The following CLSTN2 variants were observed in gnomAD, a reference collection of about 807,000 sequenced individuals.
CLSTN2 encodes calsyntenin-2.
CLSTN2 carries 48 observed loss-of-function variants against 101.2 expected under a neutral mutation model. The ratio of observed to expected loss-of-function variants is 0.47; its 90% CI spans 0.38 to 0.60. The LOEUF (loss-of-function observed/expected upper bound fraction) is 0.60. Among genes scored for constraint, CLSTN2 ranks in the 20% least tolerant of loss-of-function variants. The probability of loss-of-function intolerance (pLI) is 0.00; values close to 1 mark genes in which losing one functional copy is unlikely to be tolerated. For missense variants in CLSTN2, 1,160 were observed against 1,238.2 expected, an observed-to-expected ratio of 0.94 and a Z score of 0.95; for synonymous variants, 481 against 463.6, an observed-to-expected ratio of 1.04 and a Z score of -0.48.
intron 1 of CLSTN2, among the ~76,000 whole-genome samples, chr3:140,171,022 G>C (rs2010204116): frequency 6.6e-6 from 1 of 152,114 alleles, no homozygotes; most frequent in African/African-American, 2.4e-5. Flanking sequence ...GTGAGCTCCT[G>C]GTGTATGCTT....
chr3:140,060,282 G>T (rs1340966690), intron 1 of CLSTN2, among the ~76,000 whole-genome samples: 1 of 152,122 alleles, frequency 6.6e-6, no homozygotes, highest in Non-Finnish European at 1.5e-5. Context: ...GGTGGGGAGG[G>T]TTGGTGTGAT....
At chr3:140,402,311 A>G (rs2107977602) in intron 2 of CLSTN2, among the ~76,000 whole-genome samples, 1 of 152,348 alleles carries the variant, frequency 6.6e-6, no homozygotes, top group Non-Finnish European at 1.5e-5. Flanking sequence ...TGGGATAGAA[A>G]GTACATGGAC....
At chr3:140,169,183 G>C (rs1165631191) in intron 1 of CLSTN2, among the ~76,000 whole-genome samples, 3 of 151,872 alleles carry the variant, frequency 2.0e-5, no homozygotes, top group East Asian at 3.9e-4. Context: ...GCAGTGTCAG[G>C]GTTTTCAGTG....
intron 1 of CLSTN2, among the ~76,000 whole-genome samples, chr3:139,982,872 T>G (rs1028911507): frequency 1.3e-5 from 2 of 151,896 alleles, no homozygotes; most frequent in South Asian, 2.1e-4. Flanking sequence ...AGACTATATA[T>G]AGAGAGAGAC....
chr3:140,479,149 A>G (rs983535442), intron 8 of CLSTN2, among the ~76,000 whole-genome samples: 1 of 152,212 alleles, frequency 6.6e-6, no homozygotes, highest in African/African-American at 2.4e-5. Context: ...CAGGTATTTT[A>G]GCTACTGTTC....
chr3:140,259,621 A>G (rs935648793), intron 2 of CLSTN2, among the ~76,000 whole-genome samples: 3 of 152,134 alleles, frequency 2.0e-5, no homozygotes, highest in Non-Finnish European at 2.9e-5. Context: ...GCCTCTTTGT[A>G]AGCCTTCCCT....
At chr3:140,416,296 G>A (rs972529923) in intron 4 of CLSTN2, among the ~76,000 whole-genome samples, 7 of 151,944 alleles carry the variant, frequency 4.6e-5, no homozygotes, top group African/African-American at 1.7e-4. Context: ...TGTACAGCAG[G>A]GTGACTATAG....
chr3:140,266,504 A>G (rs188270076), intron 2 of CLSTN2, among the ~76,000 whole-genome samples: 58 of 152,338 alleles, frequency 3.8e-4, no homozygotes, highest in African/African-American at 1.4e-3. Flanking sequence ...GACATTTCCA[A>G]TTCTCAGCTA....
chr3:140,134,556 C>A (rs189494766), intron 1 of CLSTN2, among the ~76,000 whole-genome samples: 10 of 152,272 alleles, frequency 6.6e-5, no homozygotes, highest in Non-Finnish European at 1.3e-4. Flanking sequence ...AAACTCAGCC[C>A]GTGCCAAAGC....
At chr3:140,148,521 A>G (rs544841386) in intron 1 of CLSTN2, among the ~76,000 whole-genome samples, 1 of 152,292 alleles carries the variant, frequency 6.6e-6, no homozygotes, top group Admixed American at 6.5e-5. Flanking sequence ...ATAATGACCC[A>G]CTAATGTAAT....
chr3:139,965,332 G>A (rs990726280), intron 1 of CLSTN2, among the ~76,000 whole-genome samples: 1 of 152,316 alleles, frequency 6.6e-6, no homozygotes, highest in African/African-American at 2.4e-5. Flanking sequence ...CTCAGAGGAA[G>A]CAAGGAGCAG....
intron 9 of CLSTN2, among the ~76,000 whole-genome samples, chr3:140,533,355 C>T (rs961098408): frequency 3.9e-5 from 6 of 152,208 alleles, no homozygotes; most frequent in Admixed American, 3.9e-4. Flanking sequence ...GTGAAAATTA[C>T]CAAGATTTGT....
chr3:139,973,609 TTCTC>T (rs992450223), intron 1 of CLSTN2, among the ~76,000 whole-genome samples: 4 of 151,888 alleles, frequency 2.6e-5, no homozygotes, highest in African/African-American at 7.3e-5. Context: ...ATGGTACTCT[TTCTC>T]TCTCTCTTTG....
chr3:140,395,363 C>T lies in CLSTN2; in HGVS notation c.233-8266C>T, dbSNP rs535885708. Among the ~76,000 whole-genome samples, 6 of 152,152 alleles carry T rather than the reference C, an allele frequency of 3.9e-5. No individual in the cohort carries two copies. In the South Asian group the frequency reaches 1.2e-3, roughly 32 times the overall value. ...TTGTAATAATAAAAAGTAGATAGAC[C>T]TTTATACTTCCCACATCTCTTCCAC... On this transcript the variant is annotated intron_variant, in intron 2 of 16. Coordinates refer to ENST00000458420, the MANE Select transcript of CLSTN2 (RefSeq NM_022131.3).
At position 140,047,944 on chromosome 3, in the gene CLSTN2, A is replaced by G. The variant is rs76074833; in HGVS notation, c.109+112461A>G. Among the ~76,000 whole-genome samples the G allele has an allele frequency of 1.7e-3, 265 of 152,352 alleles. 2 individuals are homozygous for G. The highest frequency in any genetic ancestry group is 6.2e-3 in the African/African-American group (256 of 41,580). On this transcript the variant is annotated intron_variant, in intron 1 of 16. Transcript: ENST00000458420. ...GTAGTCAAACCATAGCAATACGTTA[A>G]CGCTATAAATGGGAAATGATCATTA... is the stretch of plus-strand genomic sequence containing the variant.
At chr3:140,446,058 A>T (rs1022909175) in intron 5 of CLSTN2, among the ~76,000 whole-genome samples, 1 of 152,152 alleles carries the variant, frequency 6.6e-6, no homozygotes, top group African/African-American at 2.4e-5. Flanking sequence ...AGAAATACGG[A>T]GTGGTACAAA....
At chr3:140,257,017 G>A (rs1311110761) in intron 2 of CLSTN2, among the ~76,000 whole-genome samples, 4 of 152,132 alleles carry the variant, frequency 2.6e-5, no homozygotes, top group South Asian at 2.1e-4. Context: ...GGCCGGGCGC[G>A]ATGGCTCACG....
rs562872047 is a variant in CLSTN2, at chr3:139,976,539, AG to A, written c.109+41057del. On this transcript the variant is annotated intron_variant, in intron 1 of 16. Coordinates refer to ENST00000458420, the MANE Select transcript of CLSTN2 (RefSeq NM_022131.3). ...CTTGCCCCAAGCCACTCAGCTAGTAAGTGGTAGAGCCAGGATTCAAATGGAA... is the reference window on the plus strand; with the variant it reads ...CTTGCCCCAAGCCACTCAGCTAGTAATGGTAGAGCCAGGATTCAAATGGAA... Among the ~76,000 whole-genome samples the A allele has an allele frequency of 1.3e-3, 202 of 152,320 alleles. 1 individual carries two copies. Among genetic ancestry groups the A allele is most frequent in the Admixed American group, 2.2e-3 (34 of 15,302 alleles).
chr3:140,341,754 G>A (rs980562264), intron 2 of CLSTN2, among the ~76,000 whole-genome samples: 3 of 152,170 alleles, frequency 2.0e-5, no homozygotes, highest in Non-Finnish European at 4.4e-5. Flanking sequence ...GCGATACATT[G>A]AAATTAGATA....
Sources: gnomAD v4.1 joint callset for allele counts (sites outside exome capture counted in the v4.1 genomes callset) on GRCh38, gnomAD v4.1.1 for gene constraint, MANE v1.5 for transcripts, NCBI Gene and HGNC (gene_info 2026-07-23, HGNC 2026-07-21) for gene names.